The following GRAMD2B variants were observed in gnomAD, a reference collection of about 807,000 sequenced individuals.
GRAMD2B encodes the protein GRAM domain-containing protein 2B.
Under a neutral mutation model 59.2 loss-of-function variants are expected in GRAMD2B, and 41 were observed. The observed-to-expected ratio is 0.69, with a 90% CI of 0.54 to 0.90. The LOEUF (loss-of-function observed/expected upper bound fraction) is 0.90. GRAMD2B is among the 40% of genes least tolerant of loss of function. The pLI, the probability that GRAMD2B is intolerant of heterozygous loss-of-function variation, is 0.00. For synonymous variants in GRAMD2B, 161 were observed against 182.7 expected (o/e 0.88, Z 0.96); for missense variants, 424 against 500.5 (o/e 0.85, Z 1.46).
chr5:126,484,650 C>T (rs1772555573), intron 10 of GRAMD2B, 126 bp downstream of exon 10: 1 of 893,342 alleles, frequency 1.1e-6, no homozygotes, highest in Non-Finnish European at 1.6e-6. Context: ...ATAACATGAT[C>T]TTGGCTCACT....
chr5:126,454,359 C>T (rs534237390), intron 1 of GRAMD2B, among the ~76,000 whole-genome samples: 1 of 152,238 alleles, frequency 6.6e-6, no homozygotes, highest in South Asian at 2.1e-4. Flanking sequence ...CATTGCTGTG[C>T]GTTCCAAGGG....
intron 1 of GRAMD2B, among the ~76,000 whole-genome samples, chr5:126,390,587 C>T (rs1055506839): frequency 1.3e-5 from 2 of 152,132 alleles, no homozygotes; most frequent in South Asian, 2.1e-4. Flanking sequence ...GTATATCTGT[C>T]AGGATTTTTT....
At chr5:126,365,430 C>T (rs1319758645) in intron 1 of GRAMD2B, among the ~76,000 whole-genome samples, 10 of 152,200 alleles carry the variant, frequency 6.6e-5, no homozygotes, top group Non-Finnish European at 1.2e-4. Context: ...AACCACTATG[C>T]AATTTGACAG....
intron 1 of GRAMD2B, among the ~76,000 whole-genome samples, chr5:126,404,158 A>G (rs1017629368): frequency 5.9e-5 from 9 of 151,956 alleles, no homozygotes; most frequent in African/African-American, 9.7e-5. Flanking sequence ...CTCCCCTGAA[A>G]TCAGGAAATC....
chr5:126,403,581 G>A (rs910678793), intron 1 of GRAMD2B, among the ~76,000 whole-genome samples: 5 of 151,816 alleles, frequency 3.3e-5, no homozygotes, highest in Admixed American at 2.6e-4. Flanking sequence ...CAAAGTTTAG[G>A]CTCTAGGGGA....
intron 1 of GRAMD2B, among the ~76,000 whole-genome samples, chr5:126,424,430 G>A (rs780709336): frequency 9.2e-5 from 14 of 152,266 alleles, no homozygotes; most frequent in Non-Finnish European, 1.0e-4. Flanking sequence ...CTGGTATCAG[G>A]ATATGAGTAA....
chr5:126,408,314 T>G (rs1580827265), intron 1 of GRAMD2B, among the ~76,000 whole-genome samples: 1 of 152,062 alleles, frequency 6.6e-6, no homozygotes, highest in Non-Finnish European at 1.5e-5. Context: ...TATTCTATGG[T>G]ATATATGTGC....
intron 2 of GRAMD2B, 147 bp from the exon 3 acceptor site, chr5:126,469,530 G>A (rs551498597): frequency 4.9e-6 from 3 of 608,768 alleles, no homozygotes; most frequent in Admixed American, 5.7e-5. Context: ...AGCTACTCAG[G>A]AGGCTGAGGT....
intron 1 of GRAMD2B, among the ~76,000 whole-genome samples, chr5:126,459,734 T>A (rs1186235334): frequency 2.6e-5 from 4 of 152,248 alleles, no homozygotes; most frequent in Non-Finnish European, 5.9e-5. Flanking sequence ...AAAATGATGA[T>A]TGTTATTTTG....
At chr5:126,373,760 G>A (rs554702487) in intron 1 of GRAMD2B, among the ~76,000 whole-genome samples, 189 of 152,312 alleles carry the variant, frequency 1.2e-3, no homozygotes, top group Middle Eastern at 6.8e-3. Flanking sequence ...ACTCTCCAAG[G>A]AAGTGATATT....
At chr5:126,476,710 G>A (rs1415562803) in intron 5 of GRAMD2B, among the ~76,000 whole-genome samples, 1 of 151,988 alleles carries the variant, frequency 6.6e-6, no homozygotes, top group Non-Finnish European at 1.5e-5. Context: ...ATTCTATCTG[G>A]TAAATAGGTA....
intron 1 of GRAMD2B, among the ~76,000 whole-genome samples, chr5:126,413,635 T>C (rs902619813): frequency 6.6e-6 from 1 of 152,102 alleles, no homozygotes; most frequent in Non-Finnish European, 1.5e-5. Flanking sequence ...AGTGTCGAAT[T>C]TAAGTCCAGA....
At chr5:126,450,912 G>A (rs114316363) in intron 1 of GRAMD2B, among the ~76,000 whole-genome samples, 5,794 of 152,328 alleles carry the variant, frequency 0.038, 146 homozygotes, top group Non-Finnish European at 0.054. Context: ...GTCGCGCGGC[G>A]TAGCCAACAC....
intron 1 of GRAMD2B, among the ~76,000 whole-genome samples, chr5:126,434,598 A>G (rs1762112636): frequency 6.6e-6 from 1 of 151,916 alleles, no homozygotes; most frequent in African/African-American, 2.4e-5. Flanking sequence ...GCTCACTGCA[A>G]GCTCCGCCTC....
rs1769190438 is a variant in GRAMD2B at position 126,469,739 on chromosome 5, G to A, written c.266G>A (p.Ser89Asn). ...GATAAGAACGACTGTAAAACAGAAA[G>A]CAAAAATGACCCTAAGACTGAAAGA... The part of the protein sequence containing the change: ...ASDKNDCKTE[S>N]KNDPKTERKK... Residue 89 changes from serine (S) to asparagine (N), a missense_variant, in exon 3 of 14, where the codon AGC becomes AAC. Coordinates refer to ENST00000285689, the MANE Select transcript of GRAMD2B (RefSeq NM_023927.4). 3 of 1,613,776 alleles carry A rather than the reference G, an allele frequency of 1.9e-6. No homozygotes were observed. In the South Asian group the frequency reaches 3.3e-5, roughly 18 times the overall value.
chr5:126,389,902 C>A (rs1318860696), intron 1 of GRAMD2B, among the ~76,000 whole-genome samples: 1 of 152,104 alleles, frequency 6.6e-6, no homozygotes, highest in African/African-American at 2.4e-5. Flanking sequence ...GAGCCAAGAT[C>A]ATGCCACTGC....
intron 1 of GRAMD2B, among the ~76,000 whole-genome samples, chr5:126,378,579 G>T (rs1440631306): frequency 1.3e-5 from 2 of 152,020 alleles, no homozygotes; most frequent in African/African-American, 4.8e-5. Context: ...CTATGCCCAT[G>T]GTCTCCAACA....
chr5:126,461,765 A>C (rs1767414374), intron 1 of GRAMD2B, among the ~76,000 whole-genome samples: 1 of 152,156 alleles, frequency 6.6e-6, no homozygotes, highest in South Asian at 2.1e-4. Context: ...ACGCCATTGC[A>C]CTCCAGCCTG....
Position 126,480,641 on chromosome 5 carries a change from T to C in GRAMD2B, c.669T>C (p.Gly223=). The stretch of plus-strand genomic sequence containing the variant: ...AATAATTTCAGAATACAAGTGTTGG[T>C]AACAGTCCCAATCCATCTTCTGCTG... The part of the protein sequence containing the change: ...VCGHLENTSV[G]NSPNPSSAEN... The change falls in exon 8 of 14, where the codon GGT becomes GGC. Residue 223 remains glycine (G), a synonymous_variant. Coordinates refer to ENST00000285689, the MANE Select transcript of GRAMD2B (RefSeq NM_023927.4). 5 of 1,614,070 alleles carry C rather than the reference T, an allele frequency of 3.1e-6. No homozygotes were observed. Among genetic ancestry groups the C allele is most frequent in the Non-Finnish European group, 4.2e-6 (5 of 1,179,896 alleles).
Sources: allele counts gnomAD v4.1 joint callset (sites outside exome capture counted in the v4.1 genomes callset), GRCh38; gene constraint gnomAD v4.1.1; transcripts MANE v1.5; gene names NCBI Gene and HGNC (gene_info 2026-07-23, HGNC 2026-07-21).